Variants in SH3GL2 observed in about 807,000 individuals in gnomAD.
The protein encoded by SH3GL2 is SH3 domain containing GRB2 like 2, endophilin A1, also known as endophilin-A1.
SH3GL2 carries 24 observed loss-of-function variants against 46.0 expected under a neutral mutation model. That is an observed-to-expected ratio of 0.52 (90% CI 0.38 to 0.73). The LOEUF is 0.73. SH3GL2 is among the 30% of genes least tolerant of loss of function. The pLI is 0.00. For synonymous variants in SH3GL2, 196 were observed against 147.1 expected (o/e 1.33, Z -2.40); for missense variants, 413 against 424.2 (o/e 0.97, Z 0.23).
intron 1 of SH3GL2, among the ~76,000 whole-genome samples, chr9:17,598,546 C>A (rs1422342720): frequency 1.3e-5 from 2 of 152,166 alleles, no homozygotes; most frequent in African/African-American, 2.4e-5. Context: ...TTTGAGCCCA[C>A]CCCCCGACCT....
intron 1 of SH3GL2, among the ~76,000 whole-genome samples, chr9:17,731,003 T>G (rs999814694): frequency 2.0e-5 from 3 of 152,152 alleles, no homozygotes; most frequent in African/African-American, 4.8e-5. Flanking sequence ...CATGCAAAAC[T>G]TTCAGAGAGA....
At chr9:17,609,430 T>C (rs1013449206) in intron 1 of SH3GL2, among the ~76,000 whole-genome samples, 4 of 152,096 alleles carry the variant, frequency 2.6e-5, no homozygotes, top group African/African-American at 7.2e-5. Context: ...GCAAATCATA[T>C]GCGTGCGTAA....
chr9:17,675,321 A>T (rs1261709195), intron 1 of SH3GL2, among the ~76,000 whole-genome samples: 2 of 152,194 alleles, frequency 1.3e-5, no homozygotes, highest in Non-Finnish European at 2.9e-5. Context: ...TTAAATAAAT[A>T]ACTCAAGTAT....
At chr9:17,696,249 T>C (rs1278024651) in intron 1 of SH3GL2, among the ~76,000 whole-genome samples, 1 of 152,180 alleles carries the variant, frequency 6.6e-6, no homozygotes, top group Non-Finnish European at 1.5e-5. Context: ...ATATTTTAAA[T>C]ACAGATAACT....
chr9:17,789,671 A>G (rs539296805), intron 6 of SH3GL2, 121 bp downstream of exon 6: 4 of 1,458,614 alleles, frequency 2.7e-6, no homozygotes, highest in African/African-American at 1.4e-5. Flanking sequence ...GAACTTCAGT[A>G]GATAGTTATT....
At chr9:17,609,787 A>G (rs1007894667) in intron 1 of SH3GL2, among the ~76,000 whole-genome samples, 1 of 152,220 alleles carries the variant, frequency 6.6e-6, no homozygotes, top group African/African-American at 2.4e-5. Context: ...CCCCTTGAGA[A>G]GGGCATGTGC....
intron 1 of SH3GL2, among the ~76,000 whole-genome samples, chr9:17,712,878 A>C (rs978842503): frequency 1.0e-5 from 1 of 97,316 alleles, no homozygotes. Context: ...CATCCATCTC[A>C]CTAGCTATAA....
chr9:17,698,257 C>A (rs1427051671), intron 1 of SH3GL2, among the ~76,000 whole-genome samples: 1 of 152,168 alleles, frequency 6.6e-6, no homozygotes, highest in Non-Finnish European at 1.5e-5. Context: ...TTGTCTAAAA[C>A]AAGGCACCTT....
intron 1 of SH3GL2, among the ~76,000 whole-genome samples, chr9:17,633,314 T>C (rs750444884): frequency 4.6e-5 from 7 of 152,182 alleles, no homozygotes; most frequent in Non-Finnish European, 8.8e-5. Context: ...GCCCAGTCCA[T>C]TGATGTGCAC....
chr9:17,786,789 G>C (rs1823970991), intron 4 of SH3GL2, among the ~76,000 whole-genome samples: 1 of 151,638 alleles, frequency 6.6e-6, no homozygotes, highest in Admixed American at 6.6e-5. Flanking sequence ...ATGCCTCCTT[G>C]GCACTTTCTA....
At chr9:17,634,501 T>A (rs574844846) in intron 1 of SH3GL2, among the ~76,000 whole-genome samples, 19 of 152,326 alleles carry the variant, frequency 1.2e-4, no homozygotes, top group Admixed American at 1.2e-3. Context: ...CCTCTTTTCT[T>A]GCTATGCCTA....
chr9:17,626,970 A>G lies in SH3GL2; in HGVS notation c.45+47683A>G, dbSNP rs370996826. Reference sequence around the variant, plus strand: ...GTTCCCTGAGCAGGTCTGAGCCAGGATAATCTTCTTTAACCTCCACTTTCT... The same window carrying G: ...GTTCCCTGAGCAGGTCTGAGCCAGGGTAATCTTCTTTAACCTCCACTTTCT... On this transcript the variant is annotated intron_variant, in intron 1 of 8. Transcript: ENST00000380607. Among the ~76,000 whole-genome samples the G allele has an allele frequency of 3.3e-5, 5 of 152,260 alleles. No individual in the cohort carries two copies. In the East Asian group the frequency reaches 7.7e-4, roughly 24 times the overall value.
At chr9:17,704,321 C>T (rs1249581350) in intron 1 of SH3GL2, among the ~76,000 whole-genome samples, 1 of 151,948 alleles carries the variant, frequency 6.6e-6, no homozygotes, top group Non-Finnish European at 1.5e-5. Context: ...ATATTTTATG[C>T]TCACAGATAG....
intron 1 of SH3GL2, among the ~76,000 whole-genome samples, chr9:17,617,935 A>G (rs767490925): frequency 5.9e-5 from 9 of 152,108 alleles, no homozygotes; most frequent in Admixed American, 1.3e-4. Context: ...ATCGTGTTGT[A>G]TTGTGGGACA....
intron 1 of SH3GL2, among the ~76,000 whole-genome samples, chr9:17,581,142 C>G (rs1449311112): frequency 6.6e-6 from 1 of 152,294 alleles, no homozygotes; most frequent in South Asian, 2.1e-4. Context: ...AAAATACTAT[C>G]CCTTATGCTG....
intron 1 of SH3GL2, among the ~76,000 whole-genome samples, chr9:17,719,939 G>A (rs1036941755): frequency 1.3e-5 from 2 of 150,592 alleles, no homozygotes; most frequent in Admixed American, 1.3e-4. Flanking sequence ...TTTTTGATAA[G>A]TAGAATTTCT....
chr9:17,698,583 G>C (rs1489162491), intron 1 of SH3GL2, among the ~76,000 whole-genome samples: 1 of 152,162 alleles, frequency 6.6e-6, no homozygotes, highest in Non-Finnish European at 1.5e-5. Context: ...AATTCCATGA[G>C]CTGAAGTTGA....
chr9:17,750,321 T>C (rs1341414598), intron 2 of SH3GL2, among the ~76,000 whole-genome samples: 2 of 152,002 alleles, frequency 1.3e-5, no homozygotes, highest in African/African-American at 2.4e-5. Flanking sequence ...GAGGTGCAAT[T>C]AGATAACAAA....
intron 1 of SH3GL2, among the ~76,000 whole-genome samples, chr9:17,615,475 T>C (rs1818968651): frequency 6.6e-6 from 1 of 151,770 alleles, no homozygotes; most frequent in Admixed American, 6.6e-5. Flanking sequence ...GCTAACACAG[T>C]GAAACCCCGT....
Sources: allele counts gnomAD v4.1 joint callset (sites outside exome capture counted in the v4.1 genomes callset), GRCh38; gene constraint gnomAD v4.1.1; transcripts MANE v1.5; gene names NCBI Gene and HGNC (gene_info 2026-07-23, HGNC 2026-07-21).